Variants in RANBP10 observed in about 807,000 individuals in gnomAD.
The protein encoded by RANBP10 is RAN binding protein 10, also known as ran-binding protein 10.
A neutral mutation model predicts 72.8 loss-of-function variants in RANBP10; 24 were observed. The observed-to-expected ratio is 0.33, with a 90% CI of 0.24 to 0.46. The LOEUF (loss-of-function observed/expected upper bound fraction) is 0.46, where lower values mean the gene tolerates loss of function less well. Ranked by LOEUF, RANBP10 falls within the 20% of genes least tolerant of loss-of-function variation. RANBP10 has a pLI of 1.00. For missense variants in RANBP10, 679 were observed against 817.5 expected (o/e 0.83, Z 2.07); for synonymous variants, 310 against 322.3 (o/e 0.96, Z 0.41).
chr16:67,741,172 T>C (rs972140829), intron 4 of RANBP10, among the ~76,000 whole-genome samples: 2 of 152,166 alleles, frequency 1.3e-5, no homozygotes, highest in Non-Finnish European at 2.9e-5. Context: ...GAAAGCTACT[T>C]CATGAACCCT....
chr16:67,800,067 A>G (rs905202279), intron 2 of RANBP10, among the ~76,000 whole-genome samples: 1 of 152,068 alleles, frequency 6.6e-6, no homozygotes, highest in Non-Finnish European at 1.5e-5. Flanking sequence ...GTTTGCAGTG[A>G]GCCAAGATTG....
In RANBP10 at chr16:67,731,590, A is replaced by G. The variant is rs779927429; in HGVS notation, c.777-6T>C. On this transcript the variant is annotated splice_region_variant and splice_polypyrimidine_tract_variant and intron_variant, in intron 6 of 13. Transcript: ENST00000317506. ...CGAGGTAAGATGAAACCATGCTAGAAGAAAGGAAGAGCTTCAGGTGACACT... is the reference window on the plus strand; with the variant it reads ...CGAGGTAAGATGAAACCATGCTAGAGGAAAGGAAGAGCTTCAGGTGACACT... 2.5e-6 allele frequency: 4 copies of G among 1,607,110 alleles called. No homozygotes were observed. Among genetic ancestry groups the G allele is most frequent in the East Asian group, 2.2e-5 (1 of 44,864 alleles).
At chr16:67,757,959 G>A (rs989159714) in intron 3 of RANBP10, among the ~76,000 whole-genome samples, 1 of 152,150 alleles carries the variant, frequency 6.6e-6, no homozygotes, top group Non-Finnish European at 1.5e-5. Context: ...ATGATACCAG[G>A]GGCTGACACC....
At chr16:67,759,511 G>A (rs1465467590) in intron 3 of RANBP10, 1 of 152,264 alleles carries the variant, frequency 6.6e-6, no homozygotes, top group East Asian at 1.9e-4. Flanking sequence ...CAGGGGAGCA[G>A]AGGCTTGTTC....
rs1371690842 is a variant in RANBP10 at position 67,723,501 on chromosome 16, G to A, written c.*2927C>T. The A allele has an allele frequency of 6.6e-6, 1 of 152,660 alleles. No individual in the cohort carries two copies. 9.5% of individuals were successfully genotyped at this position (152,660 alleles called of 1,614,324 possible). A position where few individuals can be genotyped will look rare whatever the true frequency, so the allele number is the denominator to read the frequency against. On this transcript the variant is annotated 3_prime_UTR_variant, in exon 14 of 14. Transcript: ENST00000317506. ...TCTTCTTTGTGCTTGCTTAAGGAGT[G>A]GGAAGGCGCTAGGTGGCCAGGCAGT...
At chr16:67,794,218 AC>A (rs758174499) in intron 2 of RANBP10, among the ~76,000 whole-genome samples, 3 of 152,170 alleles carry the variant, frequency 2.0e-5, no homozygotes, top group Non-Finnish European at 4.4e-5. Context: ...CGGGCAGATC[AC>A]CTGAGATCAG....
intron 2 of RANBP10, among the ~76,000 whole-genome samples, chr16:67,780,966 G>A (rs1449286626): frequency 3.9e-5 from 6 of 152,228 alleles, no homozygotes; most frequent in Admixed American, 3.9e-4. Flanking sequence ...AGCAAACACA[G>A]TTTACAATCC....
intron 3 of RANBP10, among the ~76,000 whole-genome samples, chr16:67,757,974 G>A (rs149134467): frequency 8.1e-4 from 123 of 152,308 alleles, no homozygotes; most frequent in Middle Eastern, 3.4e-3. Context: ...GACACCAAGT[G>A]GGGCATGCCT....
chr16:67,803,637 CA>C (rs1050641238), intron 2 of RANBP10, among the ~76,000 whole-genome samples: 53 of 86,552 alleles, frequency 6.1e-4, no homozygotes, highest in African/African-American at 1.9e-3. Flanking sequence ...GCAACAGGAG[CA>C]AAACTCCGTC....
intron 2 of RANBP10, among the ~76,000 whole-genome samples, chr16:67,799,967 A>G (rs1421856108): frequency 6.6e-6 from 1 of 152,110 alleles, no homozygotes; most frequent in African/African-American, 2.4e-5. Flanking sequence ...CTAAAAATAC[A>G]AAAACTAGCT....
chr16:67,727,626 C>T, intron 12 of RANBP10, 125 bp downstream of exon 12: 1 of 1,480,108 alleles, frequency 6.8e-7, no homozygotes, highest in Non-Finnish European at 9.2e-7. Flanking sequence ...CCCAGATGCC[C>T]CACTTCCCTC....
chr16:67,728,462 C>T lies in RANBP10; in HGVS notation c.1402G>A (p.Gly468Arg), dbSNP rs368737870. The T allele has an allele frequency of 2.4e-5, 39 of 1,614,028 alleles. No individual in the cohort carries two copies. The highest frequency in any genetic ancestry group is 5.0e-5 in the Admixed American group (3 of 60,008). ...EAEHYPNGVL[G>R]SMSTRIVNGA... ...TTAACAATGCGTGTGGACATGCTTC[C>T]TAGCACACCGTTGGGGTAGTGCTCT... Residue 468 changes from glycine to arginine, a missense_variant, in exon 11 of 14, where the codon GGA becomes AGA. Coordinates refer to ENST00000317506, the MANE Select transcript of RANBP10 (RefSeq NM_020850.3).
At chr16:67,741,746 T>C (rs1294854454) in intron 4 of RANBP10, among the ~76,000 whole-genome samples, 1 of 152,168 alleles carries the variant, frequency 6.6e-6, no homozygotes, top group East Asian at 1.9e-4. Context: ...CTAAGAATTA[T>C]GCAGACAACT....
intron 2 of RANBP10, among the ~76,000 whole-genome samples, chr16:67,800,438 G>A (rs1038638966): frequency 1.3e-5 from 2 of 152,174 alleles, no homozygotes; most frequent in Non-Finnish European, 2.9e-5. Flanking sequence ...GGTCACACTG[G>A]AGCATCTGTC....
intron 3 of RANBP10, among the ~76,000 whole-genome samples, chr16:67,766,278 A>C (rs994262904): frequency 2.6e-5 from 4 of 152,218 alleles, no homozygotes; most frequent in Non-Finnish European, 2.9e-5. Flanking sequence ...GCTCATCACC[A>C]GAAATAAAAA....
At chr16:67,733,069 A>T (rs1402345969) in intron 6 of RANBP10, among the ~76,000 whole-genome samples, 6 of 148,124 alleles carry the variant, frequency 4.1e-5, no homozygotes, top group Non-Finnish European at 6.0e-5. Flanking sequence ...AAAAAAAAAA[A>T]AAAAAAAATT....
At chr16:67,791,743 A>C (rs2055032198) in intron 2 of RANBP10, among the ~76,000 whole-genome samples, 1 of 152,180 alleles carries the variant, frequency 6.6e-6, no homozygotes, top group Admixed American at 6.5e-5. Context: ...CAGCCTCTAC[A>C]TCAAAGGGGA....
chr16:67,741,554 G>A (rs546729573), intron 4 of RANBP10, among the ~76,000 whole-genome samples: 5 of 152,230 alleles, frequency 3.3e-5, no homozygotes, highest in Non-Finnish European at 7.3e-5. Context: ...TAAAGACCTT[G>A]TGGGAAAGCA....
intron 2 of RANBP10, among the ~76,000 whole-genome samples, chr16:67,796,603 C>A (rs973921008): frequency 6.6e-6 from 1 of 152,172 alleles, no homozygotes; most frequent in Admixed American, 6.6e-5. Context: ...ACAAGTGCTA[C>A]TGTCAATCAG....
Sources: gnomAD v4.1 joint callset for allele counts (sites outside exome capture counted in the v4.1 genomes callset) on GRCh38, gnomAD v4.1.1 for gene constraint, MANE v1.5 for transcripts, NCBI Gene and HGNC (gene_info 2026-07-23, HGNC 2026-07-21) for gene names.